The following ITM2A variants were observed in gnomAD, a reference collection of about 807,000 sequenced individuals.
ITM2A encodes BRICHOS domain containing 2A.
A neutral mutation model predicts 16.6 loss-of-function variants in ITM2A; 11 were observed. The ratio of observed to expected loss-of-function variants is 0.66; its 90% CI spans 0.42 to 1.10. The LOEUF is 1.10. ITM2A is among the 50% of genes least tolerant of loss of function. ITM2A has a pLI of 0.00. For synonymous variants in ITM2A, 102 were observed against 71.2 expected (o/e 1.43, Z -2.18); for missense variants, 243 against 206.8 (o/e 1.17, Z -1.07).
At chrX:79,361,987 A>G (rs75141632) in intron 4 of ITM2A, among the ~76,000 whole-genome samples, 7 of 110,156 alleles carry the variant, frequency 6.4e-5, no homozygotes, top group African/African-American at 1.3e-4. Context: ...TATTGCTGCA[A>G]TGAACATACT....
chrX:79,360,899 C>T lies in ITM2A; in HGVS notation c.*190G>A. 3.7e-6 allele frequency: 1 copy of T among 270,335 alleles called. No individual in the cohort carries two copies. The highest frequency in any genetic ancestry group is 6.5e-6 in the Non-Finnish European group (1 of 154,459). The allele number at this position is 270,335 out of a possible 1,213,427, so 22.3% of individuals were successfully genotyped here. On this transcript the variant is annotated 3_prime_UTR_variant, in exon 6 of 6. Coordinates refer to ENST00000373298, the MANE Select transcript of ITM2A (RefSeq NM_004867.5). ...TGTAATTTCAGTTTCAAAAAACAAGCAATGCCAATTAAACTAAAATTTGAC... is the reference window on the plus strand; with the variant it reads ...TGTAATTTCAGTTTCAAAAAACAAGTAATGCCAATTAAACTAAAATTTGAC...
Position 79,361,158 on chromosome X carries a change from A to G in ITM2A, c.723T>C (p.Ile241=), listed in dbSNP as rs1193487970. 8.3e-7 allele frequency: 1 copy of G among 1,202,625 alleles called. No homozygotes were observed. The highest frequency in any genetic ancestry group is 1.1e-6 in the Non-Finnish European group (1 of 888,832). The change falls in exon 6 of 6, where the codon ATT becomes ATC. Residue 241 remains isoleucine (I), a synonymous_variant. Coordinates refer to ENST00000373298, the MANE Select transcript of ITM2A (RefSeq NM_004867.5). The stretch of plus-strand genomic sequence containing the variant: ...AGTGTCTAATCTTCCAGCATTTATC[A>G]ATGGCACGTTTGTTGAAACCTGTAA... ...DLLLGFNKRA[I]DKCWKIRHFP... is the part of the protein sequence containing the mutation.
At chrX:79,362,128 C>T (rs774422552) in intron 4 of ITM2A, among the ~76,000 whole-genome samples, 24 of 111,487 alleles carry the variant, frequency 2.2e-4, no homozygotes, top group Non-Finnish European at 4.1e-4. Context: ...AATGGCTGAA[C>T]TAATTTACAC....
chrX:79,363,901 A>G (rs963397922), intron 1 of ITM2A, among the ~76,000 whole-genome samples: 6 of 111,930 alleles, frequency 5.4e-5, no homozygotes, highest in Admixed American at 1.9e-4. Context: ...TTGACTCTTA[A>G]CACATTTTTA....
At chrX:79,366,021 A>G (rs765202212) in intron 1 of ITM2A, among the ~76,000 whole-genome samples, 14 of 112,243 alleles carry the variant, frequency 1.2e-4, no homozygotes, top group Non-Finnish European at 2.6e-4. Flanking sequence ...AGAAGTTAAA[A>G]CTATATAGAG....
chrX:79,362,743 C>T (rs375471152), intron 3 of ITM2A, 52 bp from the exon 4 acceptor site: 15 of 889,210 alleles, frequency 1.7e-5, no homozygotes, highest in East Asian at 6.2e-5. Flanking sequence ...ATTAACATTG[C>T]GAATTTTCCA....
chrX:79,362,022 T>C (rs1269477494), intron 4 of ITM2A, among the ~76,000 whole-genome samples: 3 of 110,310 alleles, frequency 2.7e-5, no homozygotes, highest in Non-Finnish European at 5.7e-5. Flanking sequence ...TATAATAAAA[T>C]TATTTATATT....
At position 79,361,142 on chromosome X, in the gene ITM2A, T is replaced by C; in HGVS notation, c.739A>G (p.Ile247Val). ...ATAAATTCGTTGGGGAAGTGTCTAA[T>C]CTTCCAGCATTTATCAATGGCACGT... The part of the protein sequence containing the change: ...NKRAIDKCWK[I>V]RHFPNEFIVE... Residue 247 changes from isoleucine (I) to valine (V), a missense_variant, in exon 6 of 6, where the codon ATT becomes GTT. Ile to Val is a conservative substitution (Grantham distance 29, BLOSUM62 3). Transcript: ENST00000373298. The C allele has an allele frequency of 8.3e-7, 1 of 1,205,854 alleles. No individual in the cohort carries two copies. The highest frequency in any genetic ancestry group is 1.1e-6 in the Non-Finnish European group (1 of 890,925).
rs1184111663 is a variant in ITM2A, at chrX:79,362,578, T to C, written c.552+3A>G. 2 of 1,118,121 alleles carry C rather than the reference T, an allele frequency of 1.8e-6. No homozygotes were observed. The highest frequency in any genetic ancestry group is 2.0e-5 in the South Asian group (1 of 49,005). 92.1% of individuals were successfully genotyped at this position (1,118,121 alleles called of 1,213,427 possible). On this transcript the variant is annotated splice_donor_region_variant and intron_variant, in intron 4 of 5. Transcript: ENST00000373298. ...ATAAAAATTTGACTTCCAAAATACATACCGCCAGTTTGCCAAAGAGCTCTA... is the reference window on the plus strand; with the variant it reads ...ATAAAAATTTGACTTCCAAAATACACACCGCCAGTTTGCCAAAGAGCTCTA...
intron 1 of ITM2A, among the ~76,000 whole-genome samples, chrX:79,364,296 CTG>C (rs1196965526): frequency 1.8e-5 from 2 of 112,199 alleles, no homozygotes; most frequent in Non-Finnish European, 3.8e-5. Flanking sequence ...TATTCTATAA[CTG>C]TGTATTGCAT....
rs7054821 is a variant in ITM2A, at chrX:79,365,207, T to G, written c.112-1653A>C. On this transcript the variant is annotated intron_variant, in intron 1 of 5. Transcript: ENST00000373298. ...AAGAACAGTTTGCACTGTAATTTCA[T>G]TTATTCTTTCAATAATTCAGGAAGT... Among the ~76,000 whole-genome samples the G allele has an allele frequency of 2.0e-3, 226 of 112,313 alleles. 1 individual carries two copies. Among genetic ancestry groups the G allele is most frequent in the African/African-American group, 7.2e-3 (222 of 31,017 alleles).
rs1411368324 is a variant in ITM2A, at chrX:79,362,126, A to G, written c.552+455T>C. 1.1e-4 allele frequency among the ~76,000 whole-genome samples: 12 copies of G among 111,520 alleles called. No homozygotes were observed. In the South Asian group the frequency reaches 4.5e-3, roughly 42 times the overall value. On this transcript the variant is annotated intron_variant, in intron 4 of 5. Transcript: ENST00000373298. ...ACCACAGCATCTTCCATAATGGCTG[A>G]ACTAATTTACACCAACACCAATGGT...
At position 79,367,155 on chromosome X, in the gene ITM2A, C is replaced by T; in HGVS notation, c.61G>A (p.Val21Met). 8.3e-7 allele frequency: 1 copy of T among 1,209,167 alleles called. No individual in the cohort carries two copies. The highest frequency in any genetic ancestry group is 1.1e-6 in the Non-Finnish European group (1 of 894,344). Residue 21 changes from valine to methionine, a missense_variant, in exon 1 of 6, where the codon GTG (valine) becomes ATG (methionine). Coordinates refer to ENST00000373298, the MANE Select transcript of ITM2A (RefSeq NM_004867.5). ...ACCGTGCGGCTCAGGAGGGCCTCCA[C>T]GTCTTGCCGCGCCTCCTCCTTTTGC... Reference protein sequence around the residue: ...AVQKEEARQDVEALLSRTVRT... With the variant: ...AVQKEEARQDMEALLSRTVRT...
Position 79,367,311 on chromosome X carries a change from C to G in ITM2A, c.-96G>C, listed in dbSNP as rs754971695. On this transcript the variant is annotated 5_prime_UTR_variant, in exon 1 of 6. Transcript: ENST00000373298. ...ATCCTGTTAGCCCAAACAGCACTTA[C>G]TTTATCTTCAGTCTAACACTACTGC... 2.3e-4 allele frequency: 123 copies of G among 523,763 alleles called. No homozygotes were observed. In the African/African-American group the frequency reaches 2.6e-3, roughly 11 times the overall value. 43.2% of individuals were successfully genotyped at this position (523,763 alleles called of 1,213,427 possible). A position where few individuals can be genotyped will look rare whatever the true frequency, so the allele number is the denominator to read the frequency against.
chrX:79,361,434 C>G lies in ITM2A; in HGVS notation c.598G>C (p.Val200Leu), dbSNP rs1447554302. The change falls in exon 5 of 6, where the codon GTT becomes CTT. Residue 200 changes from valine (V) to leucine (L), a missense_variant. Physicochemically the swap from Val to Leu is conservative, Grantham distance 32. Coordinates refer to ENST00000373298, the MANE Select transcript of ITM2A (RefSeq NM_004867.5). The part of the protein sequence containing the change: ...PQTYVVREDL[V>L]AVEEIRDVSN... ...ACATCACGAATTTCCTCCACAGCAA[C>G]TAGGTCTTCTCGAACCACATAAGTT... is the stretch of plus-strand genomic sequence containing the variant. 11 of 1,205,149 alleles carry G rather than the reference C, an allele frequency of 9.1e-6. No individual in the cohort carries two copies. The highest frequency in any genetic ancestry group is 1.2e-5 in the Non-Finnish European group (11 of 890,744).
intron 4 of ITM2A, among the ~76,000 whole-genome samples, chrX:79,361,910 G>T (rs371927140): frequency 6.7e-5 from 7 of 104,552 alleles, no homozygotes; most frequent in African/African-American, 2.5e-4. Flanking sequence ...TGTATGTATC[G>T]CATTTTCTTT....
At chrX:79,363,905 A>T (rs1353192911) in intron 1 of ITM2A, among the ~76,000 whole-genome samples, 7 of 111,999 alleles carry the variant, frequency 6.3e-5, no homozygotes, top group East Asian at 2.8e-4. Context: ...CTCTTAACAC[A>T]TTTTTAAATG....
chrX:79,365,277 G>A (rs1925538880), intron 1 of ITM2A, among the ~76,000 whole-genome samples: 1 of 111,608 alleles, frequency 9.0e-6, no homozygotes, highest in South Asian at 3.7e-4. Flanking sequence ...TTCATAAGAT[G>A]TTACATCCTA....
chrX:79,366,794 C>A, intron 1 of ITM2A: 1 of 223,451 alleles, frequency 4.5e-6, no homozygotes, highest in African/African-American at 2.9e-5. Flanking sequence ...CCCCAGGTCC[C>A]TACACGTTAC....
Sources: gnomAD v4.1 joint callset for allele counts (sites outside exome capture counted in the v4.1 genomes callset) on GRCh38, gnomAD v4.1.1 for gene constraint, MANE v1.5 for transcripts, NCBI Gene and HGNC (gene_info 2026-07-23, HGNC 2026-07-21) for gene names.